The following HIP1 variants were observed in gnomAD, a reference collection of about 807,000 sequenced individuals.
The protein encoded by HIP1 is huntingtin-interacting protein 1.
A neutral mutation model predicts 147.6 loss-of-function variants in HIP1; 65 were observed. That is an observed-to-expected ratio of 0.44 (90% CI 0.36 to 0.54). HIP1 has a LOEUF of 0.54. Ranked by LOEUF, HIP1 falls within the 20% of genes least tolerant of loss-of-function variation. The pLI, the probability that HIP1 is intolerant of heterozygous loss-of-function variation, is 0.00. For synonymous variants in HIP1, 479 were observed against 504.0 expected (o/e 0.95, Z 0.67); for missense variants, 1,061 against 1,299.6 (o/e 0.82, Z 2.82).
chr7:75,610,558 C>A (rs1403171337), intron 1 of HIP1, among the ~76,000 whole-genome samples: 1 of 151,730 alleles, frequency 6.6e-6, no homozygotes, highest in Non-Finnish European at 1.5e-5. Flanking sequence ...ACGTTTGACA[C>A]TGAGTATTAC....
At chr7:75,616,712 G>T (rs1797682028) in intron 1 of HIP1, among the ~76,000 whole-genome samples, 1 of 152,240 alleles carries the variant, frequency 6.6e-6, no homozygotes. Flanking sequence ...ATGTTTGCTG[G>T]CCCCTGGACT....
intron 1 of HIP1, among the ~76,000 whole-genome samples, chr7:75,645,858 A>G (rs1179596): frequency 0.21 from 31,273 of 152,148 alleles, 3,420 homozygotes; most frequent in Middle Eastern, 0.32. Context: ...CAAATACTGC[A>G]TGTTCTCCCT....
At position 75,620,666 on chromosome 7, in the gene HIP1, A is replaced by G. The variant is rs149257189; in HGVS notation, c.121-21419T>C. On this transcript the variant is annotated intron_variant, in intron 1 of 30. Coordinates refer to ENST00000336926, the MANE Select transcript of HIP1 (RefSeq NM_005338.7). ...GCACCATTGCACTCCAGCCTGGGTG[A>G]AAGAGTGAGGCTCTGTCTCAAAAAC... 4.4e-3 allele frequency among the ~76,000 whole-genome samples: 666 copies of G among 152,218 alleles called. 12 individuals are homozygous for G. Among genetic ancestry groups the G allele is most frequent in the African/African-American group, 0.015 (623 of 41,544 alleles).
chr7:75,580,848 T>TGA (rs1554498448), intron 7 of HIP1, among the ~76,000 whole-genome samples: 1 of 151,922 alleles, frequency 6.6e-6, no homozygotes, highest in Non-Finnish European at 1.5e-5. Context: ...TTCAAGCAAT[T>TGA]CTCCTGCCTC....
At chr7:75,631,099 C>G (rs1798198745) in intron 1 of HIP1, among the ~76,000 whole-genome samples, 1 of 151,950 alleles carries the variant, frequency 6.6e-6, no homozygotes, top group South Asian at 2.1e-4. Context: ...TAGCTGAGAC[C>G]ACAGGCTCAT....
chr7:75,716,828 G>GA (rs1801338633), intron 1 of HIP1, among the ~76,000 whole-genome samples: 1 of 146,624 alleles, frequency 6.8e-6, no homozygotes, highest in Non-Finnish European at 1.5e-5. Context: ...TTTTTTTTAG[G>GA]GGGGGGGAAA....
At chr7:75,668,232 G>T (rs1429061168) in intron 1 of HIP1, among the ~76,000 whole-genome samples, 2 of 152,174 alleles carry the variant, frequency 1.3e-5, no homozygotes, top group Non-Finnish European at 1.5e-5. Context: ...ATTCCCTCTT[G>T]CCTCAGTGGC....
In HIP1 at chr7:75,599,264, G is replaced by C. The variant is rs200383493; in HGVS notation, c.121-17C>G. On this transcript the variant is annotated splice_polypyrimidine_tract_variant and intron_variant, in intron 1 of 30. Coordinates refer to ENST00000336926, the MANE Select transcript of HIP1 (RefSeq NM_005338.7). ...GCTGACAGTCTGAAAAACAAGAAGG[G>C]GGGAGGGAAAGGAGGATGAGATGAA... 2 of 1,600,520 alleles carry C rather than the reference G, an allele frequency of 1.2e-6. No homozygotes were observed. The highest frequency in any genetic ancestry group is 2.2e-5 in the East Asian group (1 of 44,788).
At chr7:75,637,899 G>C (rs2117148681) in intron 1 of HIP1, among the ~76,000 whole-genome samples, 1 of 151,206 alleles carries the variant, frequency 6.6e-6, no homozygotes, top group African/African-American at 2.4e-5. Flanking sequence ...GCACCCTCTG[G>C]GGAAAAGTAA....
chr7:75,672,420 G>A (rs2117248256), intron 1 of HIP1, among the ~76,000 whole-genome samples: 1 of 151,334 alleles, frequency 6.6e-6, no homozygotes, highest in African/African-American at 2.4e-5. Flanking sequence ...TCCACTGCCT[G>A]GGATCAAGTG....
intron 22 of HIP1, among the ~76,000 whole-genome samples, chr7:75,552,864 A>T (rs201853188): frequency 2.1e-5 from 3 of 144,730 alleles, no homozygotes; most frequent in Non-Finnish European, 3.0e-5. Context: ...TCCTTTTTAA[A>T]TTTTTTTTTT....
At chr7:75,695,677 C>T (rs1217217155) in intron 1 of HIP1, among the ~76,000 whole-genome samples, 3 of 152,096 alleles carry the variant, frequency 2.0e-5, no homozygotes, top group East Asian at 1.9e-4. Flanking sequence ...TGGATTCAAG[C>T]GATTTTCCTG....
intron 23 of HIP1, 124 bp from the exon 24 acceptor site, chr7:75,547,937 C>T: frequency 1.2e-6 from 1 of 830,086 alleles, no homozygotes; most frequent in Non-Finnish European, 2.1e-6. Flanking sequence ...GTCCCCAAGT[C>T]CCTGCCCACA....
chr7:75,628,507 C>T (rs1004173998), intron 1 of HIP1, among the ~76,000 whole-genome samples: 3 of 122,794 alleles, frequency 2.4e-5, no homozygotes, highest in Admixed American at 9.8e-5. Context: ...GAGACAGAGT[C>T]TTGCTCTGTC....
intron 1 of HIP1, among the ~76,000 whole-genome samples, chr7:75,644,930 C>T (rs1486138001): frequency 2.6e-5 from 4 of 152,220 alleles, no homozygotes; most frequent in Non-Finnish European, 5.9e-5. Context: ...AATCCAGGAA[C>T]CTTCACTTTG....
chr7:75,562,180 A>C lies in HIP1; in HGVS notation c.1021-10T>G, dbSNP rs1554494693. 6.3e-7 allele frequency: 1 copy of C among 1,590,274 alleles called. No individual in the cohort carries two copies. Among genetic ancestry groups the C allele is most frequent in the Non-Finnish European group, 8.6e-7 (1 of 1,158,312 alleles). On this transcript the variant is annotated splice_polypyrimidine_tract_variant and intron_variant, in intron 11 of 30. Transcript: ENST00000336926. ...TGTTGTCAAATAAATTCTGTGGTTGACCAAAAAGGAGTGAGAATAAGTCAG... is the reference window on the plus strand; with the variant it reads ...TGTTGTCAAATAAATTCTGTGGTTGCCCAAAAAGGAGTGAGAATAAGTCAG...
At position 75,687,156 on chromosome 7, in the gene HIP1, G is replaced by A. The variant is rs186263793; in HGVS notation, c.120+51645C>T. Reference sequence around the variant, plus strand: ...AGTTTACAAAACATCCCTAATGAAAGGTAGTGGAACTTGGGTCGAATCCTC... The same window carrying A: ...AGTTTACAAAACATCCCTAATGAAAAGTAGTGGAACTTGGGTCGAATCCTC... On this transcript the variant is annotated intron_variant, in intron 1 of 30. Transcript: ENST00000336926. 1.4e-3 allele frequency among the ~76,000 whole-genome samples: 218 copies of A among 152,278 alleles called. 2 individuals are homozygous for A. Among genetic ancestry groups the A allele is most frequent in the African/African-American group, 5.1e-3 (213 of 41,564 alleles).
chr7:75,592,501 G>T lies in HIP1; in HGVS notation c.198C>A (p.Gly66=). The T allele has an allele frequency of 2.5e-6, 4 of 1,610,928 alleles. No homozygotes were observed. The highest frequency in any genetic ancestry group is 3.4e-6 in the Non-Finnish European group (4 of 1,179,362). The change falls in exon 3 of 31, where the codon GGC becomes GGA. Residue 66 remains glycine (G), a synonymous_variant. Coordinates refer to ENST00000336926, the MANE Select transcript of HIP1 (RefSeq NM_005338.7). ...KEKHARTCIL[G]THHEKGAQTF... is the part of the protein sequence containing the mutation. The stretch of plus-strand genomic sequence containing the variant: ...TCTGTGCCCCTTTCTCATGGTGGGT[G>T]CCCAGTATGCACGGTGAGGGGGGGT...
chr7:75,585,003 C>A (rs1425153187), intron 5 of HIP1, among the ~76,000 whole-genome samples: 2 of 148,640 alleles, frequency 1.3e-5, no homozygotes, highest in African/African-American at 5.0e-5. Context: ...TGCGTGTCAC[C>A]ACGCCCAGCT....
Sources: allele counts gnomAD v4.1 joint callset (sites outside exome capture counted in the v4.1 genomes callset), GRCh38; gene constraint gnomAD v4.1.1; transcripts MANE v1.5; gene names NCBI Gene and HGNC (gene_info 2026-07-23, HGNC 2026-07-21).